The following ITGA1 variants were observed in gnomAD, a reference collection of about 807,000 sequenced individuals.
ITGA1 encodes the protein integrin subunit alpha 1, also known as integrin alpha-1.
ITGA1 carries 85 observed loss-of-function variants against 145.9 expected under a neutral mutation model. The observed-to-expected ratio is 0.58, with a 90% CI of 0.49 to 0.70. ITGA1 has a LOEUF of 0.70. Among genes scored for constraint, ITGA1 ranks in the 30% least tolerant of loss-of-function variants. ITGA1 has a pLI of 0.00. For synonymous variants in ITGA1, 520 were observed against 495.3 expected (o/e 1.05, Z -0.66); for missense variants, 1,351 against 1,418.7 (o/e 0.95, Z 0.77).
At chr5:52,876,565 C>T (rs537882915) in intron 6 of ITGA1, among the ~76,000 whole-genome samples, 1 of 152,108 alleles carries the variant, frequency 6.6e-6, no homozygotes, top group Non-Finnish European at 1.5e-5. Context: ...CTCTCTTTTT[C>T]TGCTTATCAT....
intron 1 of ITGA1, among the ~76,000 whole-genome samples, chr5:52,797,472 A>G (rs960661130): frequency 2.6e-5 from 4 of 152,070 alleles, no homozygotes; most frequent in African/African-American, 9.7e-5. Context: ...AGGAAAAAAA[A>G]AAACTATGTA....
At chr5:52,898,594 G>A (rs1255147434) in intron 11 of ITGA1, among the ~76,000 whole-genome samples, 1 of 151,964 alleles carries the variant, frequency 6.6e-6, no homozygotes, top group African/African-American at 2.4e-5. Flanking sequence ...TTGTTAGTAG[G>A]GCTGTCTAAT....
At chr5:52,815,528 T>C (rs1177404362) in intron 1 of ITGA1, among the ~76,000 whole-genome samples, 2 of 152,140 alleles carry the variant, frequency 1.3e-5, no homozygotes, top group Non-Finnish European at 2.9e-5. Flanking sequence ...TGGGTAGATG[T>C]TGGGAGGAGC....
intron 12 of ITGA1, among the ~76,000 whole-genome samples, chr5:52,908,236 A>G (rs1442207319): frequency 6.6e-6 from 1 of 152,226 alleles, no homozygotes; most frequent in Non-Finnish European, 1.5e-5. Flanking sequence ...AATTGTTAAG[A>G]GCATCAAATA....
intron 1 of ITGA1, among the ~76,000 whole-genome samples, chr5:52,845,946 C>A (rs1430324400): frequency 2.6e-5 from 4 of 152,166 alleles, no homozygotes; most frequent in Admixed American, 2.0e-4. Flanking sequence ...ATGTGTTCTG[C>A]AAACTGTGTC....
chr5:52,835,360 T>C (rs1351706308), intron 1 of ITGA1, among the ~76,000 whole-genome samples: 1 of 152,126 alleles, frequency 6.6e-6, no homozygotes, highest in Non-Finnish European at 1.5e-5. Context: ...GATAAATGTG[T>C]ACAAGTTCTG....
At chr5:52,917,638 A>G (rs1163537034) in intron 15 of ITGA1, among the ~76,000 whole-genome samples, 5 of 151,976 alleles carry the variant, frequency 3.3e-5, no homozygotes, top group Non-Finnish European at 5.9e-5. Context: ...GTTCATTGTA[A>G]TATAATGTTT....
intron 3 of ITGA1, among the ~76,000 whole-genome samples, chr5:52,862,647 T>C (rs1871183): frequency 0.19 from 29,500 of 152,106 alleles, 3,088 homozygotes; most frequent in East Asian, 0.44. Flanking sequence ...ATCAGAGGAA[T>C]TGTAATAGAT....
intron 8 of ITGA1, among the ~76,000 whole-genome samples, chr5:52,890,912 A>G (rs1011162711): frequency 1.3e-5 from 2 of 152,094 alleles, no homozygotes; most frequent in African/African-American, 4.8e-5. Flanking sequence ...GATAACCACC[A>G]TTCTATTCAG....
intron 28 of ITGA1, 149 bp downstream of exon 28, chr5:52,947,610 A>C: frequency 3.3e-6 from 2 of 609,878 alleles, no homozygotes; most frequent in Non-Finnish European, 5.8e-6. Flanking sequence ...GAAAAAAGAA[A>C]AATGCGTATT....
chr5:52,832,765 CTGTGTGTGTG>C (rs33977926), intron 1 of ITGA1, among the ~76,000 whole-genome samples: 28 of 86,778 alleles, frequency 3.2e-4, no homozygotes, highest in African/African-American at 6.9e-4. Context: ...ATATATAAAT[CTGTGTGTGTG>C]TGTGTGTGTG....
At chr5:52,886,495 A>G (rs1480079138) in intron 7 of ITGA1, among the ~76,000 whole-genome samples, 1 of 152,190 alleles carries the variant, frequency 6.6e-6, no homozygotes, top group Non-Finnish European at 1.5e-5. Context: ...TGTCTGTACA[A>G]CCAAATATCT....
At chr5:52,819,332 C>G (rs866783642) in intron 1 of ITGA1, among the ~76,000 whole-genome samples, 8 of 152,210 alleles carry the variant, frequency 5.3e-5, no homozygotes, top group South Asian at 2.1e-4. Context: ...TTTTAATGAT[C>G]GCCATTCTAA....
intron 1 of ITGA1, among the ~76,000 whole-genome samples, chr5:52,796,931 C>G (rs564075019): frequency 6.6e-6 from 1 of 151,894 alleles, no homozygotes; most frequent in Non-Finnish European, 1.5e-5. Context: ...AGGTAGCAAA[C>G]GAGAAAGTTC....
chr5:52,830,772 C>T (rs1333882234), intron 1 of ITGA1, among the ~76,000 whole-genome samples: 1 of 152,134 alleles, frequency 6.6e-6, no homozygotes, highest in Non-Finnish European at 1.5e-5. Context: ...ACAGCAGAGG[C>T]ACTCACCCTA....
At chr5:52,951,835 AG>A (rs1471739210) in intron 28 of ITGA1, among the ~76,000 whole-genome samples, 1 of 152,230 alleles carries the variant, frequency 6.6e-6, no homozygotes, top group Non-Finnish European at 1.5e-5. Context: ...GCTTTTAATT[AG>A]TTCAATGTGT....
rs1345066400 is a variant in ITGA1, at chr5:52,925,358, C to A, written c.2484C>A (p.Asp828Glu). 9 of 1,614,054 alleles carry A rather than the reference C, an allele frequency of 5.6e-6. No homozygotes were observed. Among genetic ancestry groups the A allele is most frequent in the Non-Finnish European group, 7.6e-6 (9 of 1,179,910 alleles). ...LSLHVATTEK[D>E]LLIVRSQNDK... ...TGCATGTCGCCACCACTGAAAAGGA[C>A]CTGCTGATTGTCCGATCCCAGAATG... The change falls in exon 19 of 29, where the codon GAC becomes GAA. Residue 828 changes from aspartate to glutamate, a missense_variant. By Grantham distance (45) the Asp-to-Glu change is conservative. Transcript: ENST00000282588.
At chr5:52,908,793 A>G in intron 12 of ITGA1, 105 bp from the exon 13 acceptor site, 2 of 1,243,194 alleles carry the variant, frequency 1.6e-6, no homozygotes, top group Non-Finnish European at 2.3e-6. Flanking sequence ...TCCTTTGCCA[A>G]CTAGCTCCTC....
Position 52,898,248 on chromosome 5 carries a change from A to G in ITGA1, c.1174A>G (p.Met392Val), listed in dbSNP as rs751215941. 6.3e-7 allele frequency: 1 copy of G among 1,576,878 alleles called. No homozygotes were observed. The highest frequency in any genetic ancestry group is 8.6e-7 in the Non-Finnish European group (1 of 1,163,248). The change falls in exon 11 of 29, where the codon ATG becomes GTG. Residue 392 changes from methionine (M) to valine (V), a missense_variant. Physicochemically the swap from Met to Val is conservative, Grantham distance 21 (BLOSUM62 1). Coordinates refer to ENST00000282588, the MANE Select transcript of ITGA1 (RefSeq NM_181501.2). ...TTTATTTGCATGTAAGGACTGGGTC[A>G]TGCTTGGAGCAGTAGGAGCCTATGA... ...FSAHYSQDWV[M>V]LGAVGAYDWN... is the part of the protein sequence containing the mutation.
Sources: allele counts gnomAD v4.1 joint callset (sites outside exome capture counted in the v4.1 genomes callset), GRCh38; gene constraint gnomAD v4.1.1; transcripts MANE v1.5; gene names NCBI Gene and HGNC (gene_info 2026-07-23, HGNC 2026-07-21).